Variants in LONRF2 observed in about 807,000 individuals in gnomAD.
The protein encoded by LONRF2 is LON peptidase N-terminal domain and ring finger 2.
LONRF2 carries 35 observed loss-of-function variants against 66.6 expected under a neutral mutation model. That is an observed-to-expected ratio of 0.53 (90% CI 0.40 to 0.70). The LOEUF is 0.70. Ranked by LOEUF, LONRF2 falls within the 30% of genes least tolerant of loss-of-function variation. The pLI is 0.00. For synonymous variants in LONRF2, 417 were observed against 418.1 expected (o/e 1.00, Z 0.03); for missense variants, 902 against 1,002.1 (o/e 0.90, Z 1.35).
In LONRF2 at chr2:100,276,049, T is replaced by C. The variant is rs1358170756; in HGVS notation, c.*8249A>G. On this transcript the variant is annotated 3_prime_UTR_variant, in exon 12 of 12. Coordinates refer to ENST00000393437, the MANE Select transcript of LONRF2 (RefSeq NM_198461.4). The stretch of plus-strand genomic sequence containing the variant: ...GTCCCTAATCTGATCCAATTAGAAA[T>C]CCAACGCTTATACACTAAAAATGTA... 1.3e-5 allele frequency: 2 copies of C among 152,142 alleles called. No individual in the cohort carries two copies. The highest frequency in any genetic ancestry group is 4.8e-5 in the African/African-American group (2 of 41,424). The allele number at this position is 152,142 out of a possible 1,614,324, so 9.4% of individuals were successfully genotyped here. A position where few individuals can be genotyped will look rare whatever the true frequency, so the allele number is the denominator to read the frequency against.
Position 100,304,910 on chromosome 2 carries a change from C to T in LONRF2, c.799-1867G>A, listed in dbSNP as rs924753570. ...CCTCACCAAGTGCTGGGATTATAGG[C>T]GTGAGCCACTGCACCCAGCCTCCAT... On this transcript the variant is annotated intron_variant, in intron 2 of 11. Transcript: ENST00000393437. Among the ~76,000 whole-genome samples the T allele has an allele frequency of 2.7e-5, 4 of 150,526 alleles. No individual in the cohort carries two copies. In the East Asian group the frequency reaches 5.9e-4, roughly 22 times the overall value.
At chr2:100,302,420 G>A (rs1044458968) in intron 3 of LONRF2, among the ~76,000 whole-genome samples, 7 of 152,156 alleles carry the variant, frequency 4.6e-5, no homozygotes, top group African/African-American at 1.2e-4. Context: ...ACATAAAAAC[G>A]CTGGTCATTG....
intron 8 of LONRF2, 24 bp from the exon 9 acceptor site, chr2:100,294,411 T>C (rs1675023301): frequency 5.9e-6 from 9 of 1,535,626 alleles, no homozygotes; most frequent in Admixed American, 4.5e-5. Flanking sequence ...GGACATGTTA[T>C]CTCAGATGTA....
chr2:100,302,875 C>T (rs758982965), intron 3 of LONRF2, 46 bp downstream of exon 3: 3 of 1,501,146 alleles, frequency 2.0e-6, no homozygotes, highest in South Asian at 1.4e-5. Flanking sequence ...GACATGAAGG[C>T]TATAAATAAG....
chr2:100,308,680 A>G (rs1446347726), intron 2 of LONRF2, among the ~76,000 whole-genome samples: 2 of 152,242 alleles, frequency 1.3e-5, no homozygotes, highest in Non-Finnish European at 2.9e-5. Context: ...TAAAATGTAC[A>G]CAAAATGTTA....
intron 1 of LONRF2, among the ~76,000 whole-genome samples, chr2:100,315,510 A>G (rs1172396558): frequency 3.3e-5 from 5 of 152,238 alleles, no homozygotes; most frequent in Non-Finnish European, 5.9e-5. Flanking sequence ...ATTCAATGGG[A>G]AAACATTATT....
intron 9 of LONRF2, 72 bp downstream of exon 9, chr2:100,294,157 T>C (rs1319947577): frequency 7.7e-6 from 12 of 1,566,162 alleles, no homozygotes; most frequent in Non-Finnish European, 1.0e-5. Flanking sequence ...TCAGCCTAAA[T>C]CATTCTGCAA....
At chr2:100,309,291 C>A in intron 1 of LONRF2, 66 bp from the exon 2 acceptor site, 1 of 928,416 alleles carries the variant, frequency 1.1e-6, no homozygotes, top group Non-Finnish European at 1.7e-6. Context: ...ATCTTAATGT[C>A]ATTACATATA....
chr2:100,295,573 AATG>A lies in LONRF2; in HGVS notation c.1477-23_1477-21del, dbSNP rs767441511. The A allele has an allele frequency of 6.2e-7, 1 of 1,609,726 alleles. No individual in the cohort carries two copies. Among genetic ancestry groups the A allele is most frequent in the Non-Finnish European group, 8.5e-7 (1 of 1,178,490 alleles). ...CAATAACTGTAACAAAAAAAAGTCAAATGATACTGTATGGTAATTGATTCTAAA... is the reference window on the plus strand; with the variant it reads ...CAATAACTGTAACAAAAAAAAGTCAAATACTGTATGGTAATTGATTCTAAA... On this transcript the variant is annotated intron_variant, in intron 7 of 11. Coordinates refer to ENST00000393437, the MANE Select transcript of LONRF2 (RefSeq NM_198461.4).
chr2:100,298,932 G>C lies in LONRF2; in HGVS notation c.1380C>G (p.Val460=). 6.2e-7 allele frequency: 1 copy of C among 1,613,690 alleles called. No homozygotes were observed. The highest frequency in any genetic ancestry group is 8.5e-7 in the Non-Finnish European group (1 of 1,179,582). Reference sequence around the variant, plus strand: ...AAAATGTGTGTCCACAGGGCGTAGTGACAGGTTCAAAGAGCAATCTGGAAG... The same window carrying C: ...AAAATGTGTGTCCACAGGGCGTAGTCACAGGTTCAAAGAGCAATCTGGAAG... ...ALCMRLLFEP[V]TTPCGHTFCL... The change falls in exon 7 of 12, where the codon GTC becomes GTG. Residue 460 remains valine, a synonymous_variant. Transcript: ENST00000393437.
Position 100,275,754 on chromosome 2 carries a change from T to G in LONRF2, c.*8544A>C, listed in dbSNP as rs1335510971. 1.3e-5 allele frequency: 2 copies of G among 152,130 alleles called. No individual in the cohort carries two copies. Among genetic ancestry groups the G allele is most frequent in the African/African-American group, 4.8e-5 (2 of 41,398 alleles). The allele number at this position is 152,130 out of a possible 1,614,324, so 9.4% of individuals were successfully genotyped here. A position where few individuals can be genotyped will look rare whatever the true frequency, so the allele number is the denominator to read the frequency against. On this transcript the variant is annotated 3_prime_UTR_variant, in exon 12 of 12. Coordinates refer to ENST00000393437, the MANE Select transcript of LONRF2 (RefSeq NM_198461.4). ...AGCCTGTAACCACCCCCCACCAGTG[T>G]GCCTGGGCACTCTGAACACCCTGCC...
chr2:100,299,517 T>C (rs1675135263), intron 5 of LONRF2, among the ~76,000 whole-genome samples, 198 bp from the exon 6 acceptor site: 1 of 152,230 alleles, frequency 6.6e-6, no homozygotes, highest in Non-Finnish European at 1.5e-5. Flanking sequence ...TTTTAAATTA[T>C]AGCTAAATTT....
Position 100,299,903 on chromosome 2 carries a change from A to T in LONRF2, c.1081T>A (p.Ser361Thr). Residue 361 changes from serine (S) to threonine (T), a missense_variant, in exon 5 of 12, where the codon TCT (serine) becomes ACT (threonine). Transcript: ENST00000393437. The stretch of plus-strand genomic sequence containing the variant: ...GAATTGGTATTTCCAAGCATATCAG[A>T]TTTCTCAGATGAATTCTGGTTAAGT... ...AGSSENSSEK[S>T]DMLGNTNSSV... 1 of 1,600,132 alleles carries T rather than the reference A, an allele frequency of 6.2e-7. No individual in the cohort carries two copies.
rs1674667732 is a variant in LONRF2 at position 100,279,494 on chromosome 2, A to G, written c.*4804T>C. The stretch of plus-strand genomic sequence containing the variant: ...AGGGCAACGTATGCCCTACTCTTTA[A>G]AAGTTTCTGCTATCAAAAGTGACCT... On this transcript the variant is annotated 3_prime_UTR_variant, in exon 12 of 12. Transcript: ENST00000393437. 6.6e-6 allele frequency: 1 copy of G among 152,184 alleles called. No homozygotes were observed. Among genetic ancestry groups the G allele is most frequent in the African/African-American group, 2.4e-5 (1 of 41,442 alleles). The allele number at this position is 152,184 out of a possible 1,614,324, so 9.4% of individuals were successfully genotyped here.
chr2:100,298,694 A>T lies in LONRF2; in HGVS notation c.1476+142T>A, dbSNP rs947655528. On this transcript the variant is annotated intron_variant, in intron 7 of 11. Coordinates refer to ENST00000393437, the MANE Select transcript of LONRF2 (RefSeq NM_198461.4). ...TTGTGTATTTCTTGATTCATCAAAG[A>T]GATGAGAAAAGACCTATCTTTGATT... The T allele has an allele frequency of 3.0e-5, 18 of 602,236 alleles. No individual in the cohort carries two copies. In the African/African-American group the frequency reaches 3.1e-4, roughly 10 times the overall value. The allele number at this position is 602,236 out of a possible 1,614,324, so 37.3% of individuals were successfully genotyped here. A position where few individuals can be genotyped will look rare whatever the true frequency, so the allele number is the denominator to read the frequency against.
intron 8 of LONRF2, 134 bp downstream of exon 8, chr2:100,295,298 T>C: frequency 1.5e-6 from 1 of 660,356 alleles, no homozygotes; most frequent in Non-Finnish European, 2.4e-6. Context: ...TCCAAAAATA[T>C]TTTGCAATTA....
intron 1 of LONRF2, among the ~76,000 whole-genome samples, chr2:100,319,713 T>A (rs181543334): frequency 1.0e-3 from 155 of 152,374 alleles, no homozygotes; most frequent in Admixed American, 2.2e-3. Flanking sequence ...TAGTATGCTA[T>A]GAAAACATAA....
chr2:100,316,904 T>G (rs1163648564), intron 1 of LONRF2, among the ~76,000 whole-genome samples: 1 of 152,264 alleles, frequency 6.6e-6, no homozygotes, highest in Non-Finnish European at 1.5e-5. Flanking sequence ...ACATTTTTTT[T>G]CTGTTGAACT....
At chr2:100,308,597 C>T (rs1223423403) in intron 2 of LONRF2, among the ~76,000 whole-genome samples, 2 of 152,098 alleles carry the variant, frequency 1.3e-5, no homozygotes, top group East Asian at 3.9e-4. Context: ...ATTATTAGAT[C>T]CGCAAAGTTC....
Sources: gnomAD v4.1 joint callset for allele counts (sites outside exome capture counted in the v4.1 genomes callset) on GRCh38, gnomAD v4.1.1 for gene constraint, MANE v1.5 for transcripts, NCBI Gene and HGNC (gene_info 2026-07-23, HGNC 2026-07-21) for gene names.